The following USP6 variants were observed in gnomAD, a reference collection of about 807,000 sequenced individuals.
The protein encoded by USP6 is ubiquitin carboxyl-terminal hydrolase 6.
In USP6, 128 loss-of-function variants were observed where a neutral mutation model predicts 175.7. The observed-to-expected ratio is 0.73, with a 90% confidence interval of 0.63 to 0.84. The LOEUF (loss-of-function observed/expected upper bound fraction) is 0.84. Ranked by LOEUF, USP6 falls within the 40% of genes least tolerant of loss-of-function variation. The pLI is 0.00. For missense variants in USP6, 1,498 were observed against 1,760.3 expected, an observed-to-expected ratio of 0.85 and a Z score of 2.67; for synonymous variants, 562 against 630.6, an observed-to-expected ratio of 0.89 and a Z score of 1.63.
chr17:5,166,860 G>A (rs973119694), intron 33 of USP6, among the ~76,000 whole-genome samples: 23 of 150,194 alleles, frequency 1.5e-4, no homozygotes, highest in African/African-American at 3.4e-4. Flanking sequence ...CCTGCACCCC[G>A]CCCATTCTTT....
intron 1 of USP6, among the ~76,000 whole-genome samples, chr17:5,117,733 T>C (rs2072567630): frequency 6.6e-6 from 1 of 151,908 alleles, no homozygotes; most frequent in South Asian, 2.1e-4. Flanking sequence ...CAGGGAGGCA[T>C]GTTAGGAGGC....
Position 5,145,433 on chromosome 17 carries a change from G to T in USP6, c.2021G>T (p.Arg674Ile). ...TGGGACAACCATCTAAGAAGAAATA[G>T]ATCAATTATTGTGGATTTGTTCCAT... The part of the protein sequence containing the change: ...EAWDNHLRRN[R>I]SIIVDLFHGQ... The change falls in exon 27 of 38, where the codon AGA becomes ATA. Residue 674 changes from arginine to isoleucine, a missense_variant. Physicochemically the swap from Arg to Ile is moderately conservative, Grantham distance 97. Transcript: ENST00000574788. 6.2e-7 allele frequency: 1 copy of T among 1,610,682 alleles called. No homozygotes were observed. The highest frequency in any genetic ancestry group is 8.5e-7 in the Non-Finnish European group (1 of 1,178,640).
chr17:5,149,022 T>C (rs2073690193), intron 30 of USP6, among the ~76,000 whole-genome samples: 2 of 152,240 alleles, frequency 1.3e-5, no homozygotes. Flanking sequence ...TTATTCATGA[T>C]GGCTAATGTA....
chr17:5,168,682 C>T, intron 34 of USP6, 85 bp from the exon 35 acceptor site: 1 of 1,444,406 alleles, frequency 6.9e-7, no homozygotes, highest in Non-Finnish European at 9.3e-7. Context: ...TCCAAACATT[C>T]ACATGTATTT....
In USP6 at chr17:5,146,319, T is replaced by G. The variant is rs2073609846; in HGVS notation, c.2319+145T>G. The G allele has an allele frequency of 5.0e-6, 6 of 1,196,998 alleles. No homozygotes were observed. The South Asian group carries it at 1.1e-4, about 23-fold the overall frequency. The allele number at this position is 1,196,998 out of a possible 1,614,324, so 74.1% of individuals were successfully genotyped here. On this transcript the variant is annotated intron_variant, in intron 28 of 37. Coordinates refer to ENST00000574788, the MANE Select transcript of USP6 (RefSeq NM_001304284.2). ...CTGAACAACAACAAAAAATGCCAAG[T>G]TTTCCAACCCAGAAACTTAAAAGAG... is the stretch of plus-strand genomic sequence containing the variant.
At position 5,135,012 on chromosome 17, in the gene USP6, C is replaced by T. The variant is rs191155514; in HGVS notation, c.495-222C>T. 301 of 502,888 alleles carry T rather than the reference C, an allele frequency of 6.0e-4. 3 individuals are homozygous for T. In the East Asian group the frequency reaches 9.8e-3, roughly 16 times the overall value. The allele number at this position is 502,888 out of a possible 1,614,324, so 31.2% of individuals were successfully genotyped here. On this transcript the variant is annotated intron_variant, in intron 15 of 37. Coordinates refer to ENST00000574788, the MANE Select transcript of USP6 (RefSeq NM_001304284.2). ...GCAAAAGAAAAAAAAAATCATTCAG[C>T]GTGAAAAGGATCGGTCAACTCACTG...
intron 15 of USP6, chr17:5,134,867 C>T (rs920633029): frequency 1.2e-5 from 4 of 340,294 alleles, no homozygotes; most frequent in African/African-American, 8.6e-5. Flanking sequence ...TAGGGGAAAC[C>T]CTGGAGATTT....
chr17:5,126,195 A>T (rs1360861270), intron 6 of USP6, among the ~76,000 whole-genome samples: 1 of 108,734 alleles, frequency 9.2e-6, no homozygotes, highest in Non-Finnish European at 2.5e-5. Flanking sequence ...CTTCTTACTG[A>T]AAGAGAGAAG....
intron 36 of USP6, 144 bp from the exon 37 acceptor site, chr17:5,171,443 G>GT (rs1191884305): frequency 1.4e-6 from 1 of 740,616 alleles, no homozygotes; most frequent in African/African-American, 1.8e-5. Context: ...GCTTATTTTG[G>GT]TTTTAGAGAA....
chr17:5,123,429 C>T (rs2072772796), intron 4 of USP6, among the ~76,000 whole-genome samples: 1 of 152,012 alleles, frequency 6.6e-6, no homozygotes, highest in Admixed American at 6.5e-5. Context: ...TGAAGGCCAG[C>T]GCCAGTGAGT....
At position 5,132,935 on chromosome 17, in the gene USP6, C is replaced by T. The variant is rs748818800; in HGVS notation, c.221C>T (p.Thr74Met). The change falls in exon 13 of 38, where the codon ACG becomes ATG. Residue 74 changes from threonine (T) to methionine (M), a missense_variant. Thr to Met is a moderately conservative substitution (Grantham distance 81). Around this residue, in one of 2 missense-constraint regions of USP6, gnomAD observed 281 missense variants for 259.6 expected, o/e 1.08. Transcript: ENST00000574788. The surrounding 1 kb of genome is among the most constrained non-coding windows in gnomAD (Gnocchi z 4.7). ...AKKIRREMTR[T>M]SKWMEMLGEW... ...AAAATTCGGCGGGAGATGACACGAA[C>T]GAGCAAGTGGATGGAAATGCTGGGA... The T allele has an allele frequency of 3.1e-6, 5 of 1,614,136 alleles. No individual in the cohort carries two copies. In the South Asian group the frequency reaches 4.4e-5, roughly 14 times the overall value.
intron 2 of USP6, among the ~76,000 whole-genome samples, chr17:5,120,426 G>A (rs958990162): frequency 2.0e-5 from 3 of 152,136 alleles, no homozygotes; most frequent in African/African-American, 7.2e-5. Context: ...GTTGTGGGAG[G>A]TTGCTGATAT....
intron 31 of USP6, among the ~76,000 whole-genome samples, chr17:5,159,878 A>G (rs1598083776): frequency 6.6e-6 from 1 of 150,752 alleles, no homozygotes; most frequent in South Asian, 2.1e-4. Flanking sequence ...TGGGAGGATC[A>G]CCTGAGCCCA....
intron 23 of USP6, 29 bp downstream of exon 23, chr17:5,141,528 G>T: frequency 6.5e-7 from 1 of 1,534,960 alleles, no homozygotes; most frequent in Non-Finnish European, 8.8e-7. Context: ...TTTTTAAAGA[G>T]ATTATTTTAA....
rs772299911 is a variant in USP6, at chr17:5,168,947, G to A, written c.3409G>A (p.Ala1137Thr). ...TGAGCTCTCCAAGCCCAGGATTCTG[G>A]CAAGAGAGGTGAAGAAAGTGGATGC... ...GDELSKPRIL[A>T]REVKKVDAQS... The change falls in exon 35 of 38, where the codon GCA (alanine) becomes ACA (threonine). Residue 1137 changes from alanine to threonine, a missense_variant. Ala to Thr is a moderately conservative substitution (Grantham distance 58). This residue lies in a region of USP6 where 1,217 missense variants were observed against 1,500.8 expected (regional missense o/e 0.81). Coordinates refer to ENST00000574788, the MANE Select transcript of USP6 (RefSeq NM_001304284.2). 4 of 1,613,854 alleles carry A rather than the reference G, an allele frequency of 2.5e-6. No homozygotes were observed. The African/African-American group carries it at 5.3e-5, about 22-fold the overall frequency.
At position 5,135,223 on chromosome 17, in the gene USP6, G is replaced by A. The variant is rs202114612; in HGVS notation, c.495-11G>A. 3.5e-5 allele frequency: 57 copies of A among 1,612,234 alleles called. No individual in the cohort carries two copies. In the Admixed American group the frequency reaches 9.5e-4, roughly 27 times the overall value. On this transcript the variant is annotated splice_polypyrimidine_tract_variant and intron_variant, in intron 15 of 37. Transcript: ENST00000574788. ...CAAACCAAACCATAGCCCCCTTTCT[G>A]TGTTTCCTAGGCAGAGGGAACTATT...
rs775212074 is a variant in USP6, at chr17:5,132,043, C to T, written c.156-353C>T. Among the ~76,000 whole-genome samples, 3 of 152,108 alleles carry T rather than the reference C, an allele frequency of 2.0e-5. No homozygotes were observed. Among genetic ancestry groups the T allele is most frequent in the Non-Finnish European group, 2.9e-5 (2 of 67,978 alleles). The stretch of plus-strand genomic sequence containing the variant: ...TGAGGGACTCCTGTCAGGGCCCGGT[C>T]GCCCATGCTGGGTGGCCCCCATCCC... On this transcript the variant is annotated intron_variant, in intron 11 of 37. Transcript: ENST00000574788. This position sits in a 1 kb window ranked among gnomAD's most constrained non-coding sequence, Gnocchi z 4.7.
chr17:5,137,680 G>C lies in USP6; in HGVS notation c.855G>C (p.Trp285Cys). 3.1e-6 allele frequency: 5 copies of C among 1,607,774 alleles called. No homozygotes were observed. Among genetic ancestry groups the C allele is most frequent in the Non-Finnish European group, 4.3e-6 (5 of 1,175,754 alleles). ...GISLGLTLRL[W>C]DVYLVEGEQV... ...CTCTCGGGCTCACCCTGCGCCTGTG[G>C]GACGTGTATTTGGTGGAAGGAGAAC... The change falls in exon 20 of 38, where the codon TGG (tryptophan) becomes TGC (cysteine). Residue 285 changes from tryptophan (W) to cysteine (C), a missense_variant. Coordinates refer to ENST00000574788, the MANE Select transcript of USP6 (RefSeq NM_001304284.2).
At chr17:5,157,332 C>T (rs547749010) in intron 31 of USP6, among the ~76,000 whole-genome samples, 20 of 152,152 alleles carry the variant, frequency 1.3e-4, no homozygotes, top group East Asian at 1.2e-3. Context: ...GTGATCTGCC[C>T]GCCTCAGTCT....
Sources: allele counts gnomAD v4.1 joint callset (sites outside exome capture counted in the v4.1 genomes callset), GRCh38; gene constraint gnomAD v4.1.1; regional missense constraint gnomAD v4.1.1; non-coding constraint Gnocchi (gnomAD v3.1); transcripts MANE v1.5; gene names NCBI Gene and HGNC (gene_info 2026-07-23, HGNC 2026-07-21).